FAM117A: variants seen among roughly 807,000 people sequenced by gnomAD.
FAM117A encodes family with sequence similarity 117 member A, also known as protein FAM117A.
Under a neutral mutation model 44.1 loss-of-function variants are expected in FAM117A, and 21 were observed. The ratio of observed to expected loss-of-function variants is 0.48; its 90% confidence interval spans 0.34 to 0.69. The LOEUF (loss-of-function observed/expected upper bound fraction) is 0.69. Among genes scored for constraint, FAM117A ranks in the 30% least tolerant of loss-of-function variants. The pLI is 0.01. For missense variants in FAM117A, 498 were observed against 589.9 expected, an observed-to-expected ratio of 0.84 and a Z score of 1.61; for synonymous variants, 220 against 238.3, an observed-to-expected ratio of 0.92 and a Z score of 0.71.
chr17:49,719,703 G>T, intron 5 of FAM117A, 57 bp downstream of exon 5: 1 of 1,481,536 alleles, frequency 6.7e-7, no homozygotes, highest in Non-Finnish European at 8.9e-7. Context: ...AGTTCCCCTC[G>T]CCCAGGCCAA....
chr17:49,772,209 C>T (rs1334574739), intron 1 of FAM117A, among the ~76,000 whole-genome samples: 1 of 151,808 alleles, frequency 6.6e-6, no homozygotes, highest in Non-Finnish European at 1.5e-5. Flanking sequence ...GGGAGGATTG[C>T]TTAACCCAGG....
chr17:49,756,580 A>C (rs1008923520), intron 1 of FAM117A, among the ~76,000 whole-genome samples: 24 of 150,494 alleles, frequency 1.6e-4, no homozygotes, highest in African/African-American at 5.9e-4. Flanking sequence ...CTGGATTCCA[A>C]CCTGGGTGAT....
intron 1 of FAM117A, among the ~76,000 whole-genome samples, chr17:49,758,386 G>A (rs1235651434): frequency 6.6e-6 from 1 of 151,402 alleles, no homozygotes; most frequent in Non-Finnish European, 1.5e-5. Context: ...AGCACTTTGG[G>A]AGGCTGAGGC....
intron 7 of FAM117A, among the ~76,000 whole-genome samples, chr17:49,714,420 C>G (rs534466266): frequency 6.6e-6 from 1 of 151,106 alleles, no homozygotes; most frequent in South Asian, 2.1e-4. Flanking sequence ...TCACTGCAAT[C>G]TCCACCTCCT....
chr17:49,780,464 G>A (rs1273020373), intron 1 of FAM117A, among the ~76,000 whole-genome samples: 3 of 152,036 alleles, frequency 2.0e-5, no homozygotes, highest in Admixed American at 1.3e-4. Flanking sequence ...AACTGAAACC[G>A]CCGCCTCCTG....
chr17:49,788,650 AG>A, upstream of FAM117A: 1 of 543,790 alleles, frequency 1.8e-6, no homozygotes, highest in Non-Finnish European at 3.2e-6. Flanking sequence ...CCGGAAGTGA[AG>A]GAAAAAGCGC....
At chr17:49,778,593 C>A (rs111502296) in intron 1 of FAM117A, among the ~76,000 whole-genome samples, 1 of 152,198 alleles carries the variant, frequency 6.6e-6, no homozygotes, top group African/African-American at 2.4e-5. Context: ...CAGAATTAGG[C>A]GCTATATTTC....
intron 1 of FAM117A, among the ~76,000 whole-genome samples, chr17:49,735,347 G>A (rs1037253760): frequency 2.2e-4 from 33 of 151,182 alleles, no homozygotes; most frequent in Admixed American, 4.0e-4. Context: ...GTGAGATCAC[G>A]CCACTGCACT....
intron 1 of FAM117A, among the ~76,000 whole-genome samples, chr17:49,757,116 C>A (rs897866701): frequency 1.3e-5 from 2 of 151,976 alleles, no homozygotes; most frequent in Non-Finnish European, 2.9e-5. Context: ...CAGCCTCCAC[C>A]CCTTTTATTG....
At chr17:49,730,818 A>G (rs986391431) in intron 2 of FAM117A, among the ~76,000 whole-genome samples, 2 of 152,114 alleles carry the variant, frequency 1.3e-5, no homozygotes, top group Non-Finnish European at 2.9e-5. Flanking sequence ...TTCTCCTTTC[A>G]CAGTCTATTT....
intron 1 of FAM117A, among the ~76,000 whole-genome samples, chr17:49,753,391 G>T (rs1353312206): frequency 6.6e-6 from 1 of 152,176 alleles, no homozygotes; most frequent in Non-Finnish European, 1.5e-5. Flanking sequence ...TCCTTTCTGG[G>T]CCTCAGTTTC....
intron 1 of FAM117A, among the ~76,000 whole-genome samples, chr17:49,756,933 A>AG (rs1037989491): frequency 1.3e-4 from 19 of 151,170 alleles, no homozygotes; most frequent in Admixed American, 2.6e-4. Context: ...AAAAAAAAAA[A>AG]AGAGAGAGAG....
At chr17:49,755,638 G>A (rs987762994) in intron 1 of FAM117A, among the ~76,000 whole-genome samples, 11 of 152,192 alleles carry the variant, frequency 7.2e-5, no homozygotes, top group Non-Finnish European at 1.3e-4. Flanking sequence ...GAAATGCCAC[G>A]TCTTTGCCAC....
chr17:49,786,649 C>T (rs1253928657), intron 1 of FAM117A, among the ~76,000 whole-genome samples: 10 of 152,040 alleles, frequency 6.6e-5, no homozygotes, highest in Non-Finnish European at 8.8e-5. Context: ...TGGTGGCGGG[C>T]GCCTGTAATC....
chr17:49,755,593 G>A (rs1222671128), intron 1 of FAM117A, among the ~76,000 whole-genome samples: 1 of 152,182 alleles, frequency 6.6e-6, no homozygotes, highest in Non-Finnish European at 1.5e-5. Context: ...AGTGTGTTGG[G>A]AAAAGAACCT....
intron 7 of FAM117A, among the ~76,000 whole-genome samples, chr17:49,712,722 C>A (rs982713403): frequency 3.3e-5 from 5 of 152,052 alleles, no homozygotes; most frequent in African/African-American, 2.4e-5. Context: ...TGTATGCTAC[C>A]CAGGCTGGCC....
Position 49,764,093 on chromosome 17 carries a change from T to G in FAM117A, c.-6A>C. The stretch of plus-strand genomic sequence containing the variant: ...CCCGCTGCGGCCCCCGCCATGGCTC[T>G]CCCGGCTGCCTGCCTCAGCCCCACT... On this transcript the variant is annotated 5_prime_UTR_variant, in exon 1 of 8. Coordinates refer to ENST00000240364, the MANE Select transcript of FAM117A (RefSeq NM_030802.4). The G allele has an allele frequency of 1.6e-6, 2 of 1,229,844 alleles. No homozygotes were observed. Among genetic ancestry groups the G allele is most frequent in the Non-Finnish European group, 2.0e-6 (2 of 977,404 alleles). The allele number at this position is 1,229,844 out of a possible 1,614,324, so 76.2% of individuals were successfully genotyped here. A position where few individuals can be genotyped will look rare whatever the true frequency, so the allele number is the denominator to read the frequency against.
chr17:49,775,983 C>G (rs2073774549), intron 1 of FAM117A, among the ~76,000 whole-genome samples: 1 of 152,146 alleles, frequency 6.6e-6, no homozygotes, highest in Non-Finnish European at 1.5e-5. Flanking sequence ...ATTCCTGAAC[C>G]AATGGTGGGT....
At chr17:49,765,518 T>TG (rs1219034639), upstream of FAM117A, 1 of 152,056 alleles carries the variant, frequency 6.6e-6, no homozygotes, top group Non-Finnish European at 1.5e-5. Context: ...AATTCAAGAG[T>TG]GGGTTGAATA....
Sources: allele counts gnomAD v4.1 joint callset (sites outside exome capture counted in the v4.1 genomes callset), GRCh38; gene constraint gnomAD v4.1.1; transcripts MANE v1.5; gene names NCBI Gene and HGNC (gene_info 2026-07-23, HGNC 2026-07-21).